RORA: variants seen among roughly 807,000 people sequenced by gnomAD.
RORA encodes nuclear receptor ROR-alpha.
A neutral mutation model predicts 69.5 loss-of-function variants in RORA; 7 were observed. The ratio of observed to expected loss-of-function variants is 0.10; its 90% confidence interval spans 0.06 to 0.19. RORA has a LOEUF of 0.19. Among genes scored for constraint, RORA ranks in the 10% least tolerant of loss-of-function variants. The pLI, the probability that RORA is intolerant of heterozygous loss-of-function variation, is 1.00. For synonymous variants in RORA, 261 were observed against 240.8 expected (o/e 1.08, Z -0.78); for missense variants, 457 against 663.0 (o/e 0.69, Z 3.41).
intron 2 of RORA, among the ~76,000 whole-genome samples, chr15:60,589,974 T>C (rs112836063): frequency 0.019 from 2,845 of 152,310 alleles, 80 homozygotes; most frequent in African/African-American, 0.063. Flanking sequence ...TAGGGAAGTA[T>C]TTAATAAGAT....
intron 1 of RORA, among the ~76,000 whole-genome samples, chr15:61,184,842 G>T (rs1489735860): frequency 6.6e-6 from 1 of 151,866 alleles, no homozygotes; most frequent in Non-Finnish European, 1.5e-5. Flanking sequence ...AAAATTGGCT[G>T]GGCATGGTGG....
At chr15:61,156,517 T>C (rs1184136686) in intron 1 of RORA, among the ~76,000 whole-genome samples, 2 of 152,036 alleles carry the variant, frequency 1.3e-5, no homozygotes, top group Non-Finnish European at 1.5e-5. Flanking sequence ...CCCAGAGACC[T>C]GGAGAGATGG....
chr15:61,071,951 A>G (rs1484043842), intron 1 of RORA, among the ~76,000 whole-genome samples: 1 of 152,070 alleles, frequency 6.6e-6, no homozygotes, highest in Admixed American at 6.5e-5. Context: ...GAGGATACTC[A>G]AAGACAGGAC....
At chr15:60,749,358 C>G (rs939665424) in intron 1 of RORA, among the ~76,000 whole-genome samples, 11 of 152,126 alleles carry the variant, frequency 7.2e-5, no homozygotes, top group African/African-American at 2.7e-4. Context: ...GCAAATTGCT[C>G]TAAGCAGGGA....
intron 1 of RORA, among the ~76,000 whole-genome samples, chr15:60,991,473 C>T (rs893095522): frequency 6.6e-6 from 1 of 151,988 alleles, no homozygotes; most frequent in African/African-American, 2.4e-5. Flanking sequence ...CAATACATAT[C>T]AAAAGTCCTA....
chr15:60,668,101 T>C (rs534169144), intron 2 of RORA, among the ~76,000 whole-genome samples: 1 of 152,314 alleles, frequency 6.6e-6, no homozygotes, highest in South Asian at 2.1e-4. Flanking sequence ...GACAGCAGCA[T>C]TCCTTGGCTG....
chr15:60,757,125 T>C (rs2071813977), intron 1 of RORA, among the ~76,000 whole-genome samples: 1 of 152,214 alleles, frequency 6.6e-6, no homozygotes, highest in African/African-American at 2.4e-5. Flanking sequence ...TACTATGAAA[T>C]GAGTGCATAA....
At chr15:61,087,763 T>C (rs890662674) in intron 1 of RORA, among the ~76,000 whole-genome samples, 2 of 152,248 alleles carry the variant, frequency 1.3e-5, no homozygotes, top group African/African-American at 4.8e-5. Context: ...CATGTGCAGA[T>C]GTTTGCAATA....
chr15:61,084,287 A>C (rs1371763277), intron 1 of RORA, among the ~76,000 whole-genome samples: 1 of 152,210 alleles, frequency 6.6e-6, no homozygotes, highest in Non-Finnish European at 1.5e-5. Flanking sequence ...TGAGAAGTCC[A>C]TCTGCCTGGA....
At chr15:60,909,958 G>A (rs1891657208) in intron 1 of RORA, among the ~76,000 whole-genome samples, 1 of 152,186 alleles carries the variant, frequency 6.6e-6, no homozygotes, top group South Asian at 2.1e-4. Context: ...TACTCATCAA[G>A]TAAGCCTGAA....
chr15:61,215,031 A>AGTTTTTTTTT (rs1491564825), intron 1 of RORA, among the ~76,000 whole-genome samples: 1 of 80,624 alleles, frequency 1.2e-5, no homozygotes, highest in African/African-American at 5.0e-5. Context: ...CGCCCAGCTA[A>AGTTTTTTTTT]TTTTTTTTTT....
At chr15:60,809,174 A>AG (rs147214787) in intron 1 of RORA, among the ~76,000 whole-genome samples, 2 of 152,122 alleles carry the variant, frequency 1.3e-5, no homozygotes, top group African/African-American at 2.4e-5. Flanking sequence ...CATTGAAAAA[A>AG]TAAATTAAAA....
intron 2 of RORA, among the ~76,000 whole-genome samples, chr15:60,625,644 C>T (rs577894274): frequency 3.9e-5 from 6 of 152,074 alleles, no homozygotes; most frequent in Non-Finnish European, 8.8e-5. Flanking sequence ...AAATTGTGTA[C>T]GAAATTGCTA....
Position 60,912,892 on chromosome 15 carries a change from A to G in RORA, c.167-234206T>C, listed in dbSNP as rs79353709. Among the ~76,000 whole-genome samples, 1,090 of 152,324 alleles carry G rather than the reference A, an allele frequency of 7.2e-3. 9 individuals are homozygous for G. The highest frequency in any genetic ancestry group is 0.025 in the African/African-American group (1,035 of 41,554). On this transcript the variant is annotated intron_variant, in intron 1 of 10. Transcript: ENST00000335670. ...TTTTTTACAACTGCTTTACTGAGGC[A>G]TAGTTTATATACCACAAAATCCACA... is the stretch of plus-strand genomic sequence containing the variant.
intron 1 of RORA, among the ~76,000 whole-genome samples, chr15:61,032,395 G>A (rs922517213): frequency 2.0e-5 from 3 of 152,144 alleles, no homozygotes; most frequent in Non-Finnish European, 4.4e-5. Flanking sequence ...TATGAAATTT[G>A]GCTAAACTCA....
rs1023920517 is a variant in RORA at position 60,746,944 on chromosome 15, G to C, written c.167-68258C>G. 2.8e-4 allele frequency among the ~76,000 whole-genome samples: 42 copies of C among 152,162 alleles called. 1 individual carries two copies. Among genetic ancestry groups the C allele is most frequent in the Admixed American group, 2.2e-3 (34 of 15,280 alleles). On this transcript the variant is annotated intron_variant, in intron 1 of 10. Transcript: ENST00000335670. ...ATATCAAATTACTCTGAATAAAATA[G>C]TGAGTAGAAACTCACCGATCGACTC... is the stretch of plus-strand genomic sequence containing the variant.
At chr15:60,598,452 C>T (rs1176097802) in intron 2 of RORA, 3 of 152,208 alleles carry the variant, frequency 2.0e-5, no homozygotes, top group African/African-American at 4.8e-5. Context: ...CCTCAGCCTA[C>T]TCACTGTGAA....
At chr15:60,507,089 G>T (rs1406271259) in intron 5 of RORA, among the ~76,000 whole-genome samples, 1 of 152,092 alleles carries the variant, frequency 6.6e-6, no homozygotes, top group East Asian at 1.9e-4. Context: ...CACATAGAAG[G>T]CTGCTAGAAT....
rs2065015247 is a variant in RORA at position 60,489,978 on chromosome 15, C to T, written c.*7477G>A. ...CATAAAGTAAATGCTAATAAGTTTC[C>T]ATATAGCCATATTTATAAACAAATT... On this transcript the variant is annotated 3_prime_UTR_variant, in exon 11 of 11. Transcript: ENST00000335670. 3 of 151,860 alleles carry T rather than the reference C, an allele frequency of 2.0e-5. No homozygotes were observed. In the South Asian group the frequency reaches 6.2e-4, roughly 32 times the overall value. 9.4% of individuals were successfully genotyped at this position (151,860 alleles called of 1,614,324 possible). A position where few individuals can be genotyped will look rare whatever the true frequency, so the allele number is the denominator to read the frequency against.
Sources: gnomAD v4.1 joint callset for allele counts (sites outside exome capture counted in the v4.1 genomes callset) on GRCh38, gnomAD v4.1.1 for gene constraint, MANE v1.5 for transcripts, NCBI Gene and HGNC (gene_info 2026-07-23, HGNC 2026-07-21) for gene names.